PRDM6: variants seen among roughly 807,000 people sequenced by gnomAD.
PRDM6 encodes the protein PR/SET domain 6.
In PRDM6, 25 loss-of-function variants were observed where a neutral mutation model predicts 60.8. That is an observed-to-expected ratio of 0.41 (90% CI 0.30 to 0.57). The LOEUF is 0.57. PRDM6 is among the 20% of genes least tolerant of loss of function. The pLI, the probability that PRDM6 is intolerant of heterozygous loss-of-function variation, is 0.27. For synonymous variants in PRDM6, 407 were observed against 357.4 expected (o/e 1.14, Z -1.57); for missense variants, 839 against 821.3 (o/e 1.02, Z -0.26).
intron 5 of PRDM6, among the ~76,000 whole-genome samples, chr5:123,168,191 A>T (rs1276949636): frequency 6.6e-6 from 1 of 152,250 alleles, no homozygotes. Flanking sequence ...GAATTGAAAT[A>T]TACATAAATA....
intron 2 of PRDM6, among the ~76,000 whole-genome samples, 185 bp downstream of exon 2, chr5:123,090,791 G>T (rs1763821525): frequency 6.6e-6 from 1 of 152,218 alleles, no homozygotes; most frequent in Non-Finnish European, 1.5e-5. Flanking sequence ...TGGCGTTGGA[G>T]AAGGAAAGAG....
At chr5:123,149,581 A>G (rs773143875) in intron 3 of PRDM6, among the ~76,000 whole-genome samples, 34 of 152,178 alleles carry the variant, frequency 2.2e-4, no homozygotes, top group Admixed American at 5.9e-4. Context: ...GTGGGTGCCT[A>G]TGTCTTTTGC....
intron 3 of PRDM6, among the ~76,000 whole-genome samples, chr5:123,101,790 A>G (rs935544498): frequency 1.3e-5 from 2 of 152,250 alleles, no homozygotes; most frequent in Admixed American, 1.3e-4. Context: ...CTACACATAT[A>G]GACTATAACA....
chr5:123,114,852 G>A (rs997817728), intron 3 of PRDM6, among the ~76,000 whole-genome samples: 2 of 152,248 alleles, frequency 1.3e-5, no homozygotes, highest in Non-Finnish European at 2.9e-5. Context: ...TTGAGTGGCA[G>A]TAGTAGCATG....
At chr5:123,127,681 T>C (rs1014468561) in intron 3 of PRDM6, among the ~76,000 whole-genome samples, 2 of 150,264 alleles carry the variant, frequency 1.3e-5, no homozygotes, top group East Asian at 1.9e-4. Flanking sequence ...GATTTCTTCT[T>C]TCTTTCTTTT....
chr5:123,143,165 GTGTGTGTGTGTGTA>G, intron 3 of PRDM6, among the ~76,000 whole-genome samples: 1 of 152,010 alleles, frequency 6.6e-6, no homozygotes, highest in South Asian at 2.1e-4. Flanking sequence ...GTGTGTGTGT[GTGTGTGTGTGTGTA>G]TGTGGGTGTG....
At position 123,097,133 on chromosome 5, in the gene PRDM6, A is replaced by T. The variant is rs61248376; in HGVS notation, c.593-2521A>T. ...TCATTTGCTTTTAGCTATTTTTGCA[A>T]AGGTGCTGAAAGGCTGTCTCTGAAG... On this transcript the variant is annotated intron_variant, in intron 2 of 7. Coordinates refer to ENST00000407847, the MANE Select transcript of PRDM6 (RefSeq NM_001136239.4). Among the ~76,000 whole-genome samples, 393 of 152,318 alleles carry T rather than the reference A, an allele frequency of 2.6e-3. 2 individuals are homozygous for T. The highest frequency in any genetic ancestry group is 9.0e-3 in the African/African-American group (376 of 41,576).
chr5:123,143,800 G>C (rs943191120), intron 3 of PRDM6, among the ~76,000 whole-genome samples: 5 of 151,946 alleles, frequency 3.3e-5, no homozygotes, highest in African/African-American at 1.2e-4. Context: ...CAAAAACAGT[G>C]GTATACTTTA....
rs143700144 is a variant in PRDM6, at chr5:123,143,584, A to G, written c.901-12300A>G. 7.4e-3 allele frequency among the ~76,000 whole-genome samples: 1,126 copies of G among 152,194 alleles called. 6 individuals are homozygous for G. Among genetic ancestry groups the G allele is most frequent in the Non-Finnish European group, 0.012 (798 of 68,002 alleles). On this transcript the variant is annotated intron_variant, in intron 3 of 7. Transcript: ENST00000407847. ...CCTGGGAACCAAACCTTACGACGCAAATGCCCATCCAGAAACACAGGGCGT... is the reference window on the plus strand; with the variant it reads ...CCTGGGAACCAAACCTTACGACGCAGATGCCCATCCAGAAACACAGGGCGT...
chr5:123,099,620 G>C lies in PRDM6; in HGVS notation c.593-34G>C. 1 of 1,434,332 alleles carries C rather than the reference G, an allele frequency of 7.0e-7. No individual in the cohort carries two copies. The highest frequency in any genetic ancestry group is 9.2e-7 in the Non-Finnish European group (1 of 1,090,400). 88.9% of individuals were successfully genotyped at this position (1,434,332 alleles called of 1,614,324 possible). A position where few individuals can be genotyped will look rare whatever the true frequency, so the allele number is the denominator to read the frequency against. On this transcript the variant is annotated intron_variant, in intron 2 of 7. Coordinates refer to ENST00000407847, the MANE Select transcript of PRDM6 (RefSeq NM_001136239.4). The surrounding 1 kb of genome is among the most constrained non-coding windows in gnomAD (Gnocchi z 4.0). ...CCGCTCGGGGCGGCCGGATTAACCC[G>C]CTCCCTTCCCTTCCTCCTTCTTGTC... is the stretch of plus-strand genomic sequence containing the variant.
At position 123,139,320 on chromosome 5, in the gene PRDM6, T is replaced by C. The variant is rs573750944; in HGVS notation, c.901-16564T>C. 1.4e-4 allele frequency among the ~76,000 whole-genome samples: 21 copies of C among 152,266 alleles called. No individual in the cohort carries two copies. The East Asian group carries it at 2.5e-3, about 18-fold the overall frequency. Reference sequence around the variant, plus strand: ...AAAAAGAATTTATTATTTCTTAAAGTAGAGGTCTAAACTGGCTGAAGTGAG... The same window carrying C: ...AAAAAGAATTTATTATTTCTTAAAGCAGAGGTCTAAACTGGCTGAAGTGAG... On this transcript the variant is annotated intron_variant, in intron 3 of 7. Transcript: ENST00000407847.
intron 3 of PRDM6, among the ~76,000 whole-genome samples, chr5:123,136,602 T>C (rs1764958148): frequency 6.6e-6 from 1 of 152,348 alleles, no homozygotes; most frequent in South Asian, 2.1e-4. Flanking sequence ...CAAATTTTTC[T>C]TCTGAATTTT....
intron 6 of PRDM6, 133 bp from the exon 7 acceptor site, chr5:123,180,014 G>A: frequency 1.2e-6 from 1 of 836,556 alleles, no homozygotes; most frequent in South Asian, 2.0e-5. Flanking sequence ...GGAATCCAGT[G>A]GCCAAAGCTC....
intron 3 of PRDM6, among the ~76,000 whole-genome samples, chr5:123,126,582 C>A (rs1339608086): frequency 6.6e-6 from 1 of 152,114 alleles, no homozygotes; most frequent in Non-Finnish European, 1.5e-5. Context: ...TCAGAACCAG[C>A]CTGGTGCTTT....
At position 123,187,134 on chromosome 5, in the gene PRDM6, G is replaced by T; in HGVS notation, c.1721G>T (p.Arg574Leu). ...RSFTQATQLS[R>L]HQRMPNECKP... Reference sequence around the variant, plus strand: ...TTCACGCAGGCCACCCAGCTGAGCCGACACCAGCGGATGCCCAATGAGTGC... The same window carrying T: ...TTCACGCAGGCCACCCAGCTGAGCCTACACCAGCGGATGCCCAATGAGTGC... Residue 574 changes from arginine to leucine, a missense_variant, in exon 8 of 8, where the codon CGA (arginine) becomes CTA (leucine). Arg to Leu is a moderately radical substitution (Grantham distance 102, BLOSUM62 -2). Around this residue, in one of 2 missense-constraint regions of PRDM6, gnomAD observed 109 missense variants for 172.6 expected, o/e 0.63. Coordinates refer to ENST00000407847, the MANE Select transcript of PRDM6 (RefSeq NM_001136239.4). The T allele has an allele frequency of 6.4e-7, 1 of 1,551,540 alleles. No individual in the cohort carries two copies. The highest frequency in any genetic ancestry group is 1.2e-5 in the South Asian group (1 of 84,036).
intron 2 of PRDM6, among the ~76,000 whole-genome samples, chr5:123,095,379 A>G (rs1000148562): frequency 1.3e-5 from 2 of 152,188 alleles, no homozygotes; most frequent in African/African-American, 4.8e-5. Context: ...CATCTAGCCT[A>G]TAGCTCGAGA....
At chr5:123,109,370 T>C (rs1450202640) in intron 3 of PRDM6, among the ~76,000 whole-genome samples, 2 of 152,158 alleles carry the variant, frequency 1.3e-5, no homozygotes, top group African/African-American at 4.8e-5. Flanking sequence ...ATTGATGACT[T>C]TTGTGTAGTA....
intron 3 of PRDM6, among the ~76,000 whole-genome samples, chr5:123,141,700 A>G (rs910001812): frequency 6.6e-5 from 10 of 152,156 alleles, no homozygotes; most frequent in African/African-American, 1.9e-4. Context: ...GTATTTAGCT[A>G]TGCCTAGTTT....
intron 3 of PRDM6, among the ~76,000 whole-genome samples, chr5:123,123,072 T>A (rs966041403): frequency 2.6e-5 from 4 of 152,218 alleles, no homozygotes; most frequent in Non-Finnish European, 5.9e-5. Flanking sequence ...TTAAAATACT[T>A]ATATATTTTA....
Sources: gnomAD v4.1 joint callset for allele counts (sites outside exome capture counted in the v4.1 genomes callset) on GRCh38, gnomAD v4.1.1 for gene constraint, gnomAD v4.1.1 regional missense constraint, Gnocchi (gnomAD v3.1) non-coding constraint, MANE v1.5 for transcripts, NCBI Gene and HGNC (gene_info 2026-07-23, HGNC 2026-07-21) for gene names.